The following SLC4A10 variants were observed in gnomAD, a reference collection of about 807,000 sequenced individuals.
SLC4A10 encodes solute carrier family 4 member 10, also known as sodium-driven chloride bicarbonate exchanger.
In SLC4A10, 42 loss-of-function variants were observed where a neutral mutation model predicts 137.7. The ratio of observed to expected loss-of-function variants is 0.30; its 90% CI spans 0.24 to 0.39. SLC4A10 has a LOEUF of 0.39. Among genes scored for constraint, SLC4A10 ranks in the 10% least tolerant of loss-of-function variants. The probability of loss-of-function intolerance (pLI) is 1.00; values close to 1 mark genes in which losing one functional copy is unlikely to be tolerated. For synonymous variants in SLC4A10, 474 were observed against 464.1 expected (o/e 1.02, Z -0.27); for missense variants, 925 against 1,355.0 (o/e 0.68, Z 4.98).
chr2:161,688,344 G>A lies in SLC4A10; in HGVS notation c.48+63778G>A, dbSNP rs145129972. ...TATAATGTTGTAATTTTATAACCTAGAATGAACAATATTCTCTGTTTTTGG... is the reference window on the plus strand; with the variant it reads ...TATAATGTTGTAATTTTATAACCTAAAATGAACAATATTCTCTGTTTTTGG... On this transcript the variant is annotated intron_variant, in intron 1 of 26. Coordinates refer to ENST00000446997, the MANE Select transcript of SLC4A10 (RefSeq NM_001178015.2). Among the ~76,000 whole-genome samples the A allele has an allele frequency of 4.5e-3, 685 of 152,160 alleles. 3 individuals carry two copies. Among genetic ancestry groups the A allele is most frequent in the African/African-American group, 0.014 (564 of 41,526 alleles).
intron 2 of SLC4A10, among the ~76,000 whole-genome samples, chr2:161,784,817 A>C (rs2053437476): frequency 6.6e-6 from 1 of 151,516 alleles, no homozygotes; most frequent in South Asian, 2.1e-4. Context: ...TCAAATTTGC[A>C]ACCTAATTAT....
intron 15 of SLC4A10, among the ~76,000 whole-genome samples, chr2:161,934,011 A>T (rs1314527084): frequency 6.6e-6 from 1 of 152,144 alleles, no homozygotes; most frequent in Admixed American, 6.6e-5. Context: ...CTTTAAAAAA[A>T]AATTAATTTT....
At chr2:161,848,937 G>T (rs1185814206) in intron 4 of SLC4A10, among the ~76,000 whole-genome samples, 1 of 151,768 alleles carries the variant, frequency 6.6e-6, no homozygotes, top group Non-Finnish European at 1.5e-5. Context: ...TTCTAATTTT[G>T]TAAAAATGTT....
chr2:161,702,683 T>A (rs1237886910), intron 1 of SLC4A10, among the ~76,000 whole-genome samples: 2 of 151,848 alleles, frequency 1.3e-5, no homozygotes, highest in Non-Finnish European at 3.0e-5. Context: ...TCTACAGATG[T>A]CACAGAGAAA....
chr2:161,810,165 T>A (rs937339680), intron 3 of SLC4A10, among the ~76,000 whole-genome samples: 13 of 152,022 alleles, frequency 8.6e-5, no homozygotes, highest in African/African-American at 3.1e-4. Context: ...CTTGGCTCTC[T>A]GATACAATGT....
chr2:161,808,976 T>C (rs1482229330), intron 3 of SLC4A10, among the ~76,000 whole-genome samples: 1 of 152,184 alleles, frequency 6.6e-6, no homozygotes, highest in Non-Finnish European at 1.5e-5. Context: ...TTAATTTCTT[T>C]GATAAATCTC....
In SLC4A10 at chr2:161,910,607, GT is replaced by G. The variant is rs2105395561; in HGVS notation, c.1997+4721del. ...TTGTAATCGATTGGGTCAAAGCAGT[GT>G]GTAGGGTCTGATTATCTCTCTAGTT... On this transcript the variant is annotated intron_variant, in intron 15 of 26. Transcript: ENST00000446997. Among the ~76,000 whole-genome samples, 2 of 152,256 alleles carry G rather than the reference GT, an allele frequency of 1.3e-5. 1 individual carries two copies. The highest frequency in any genetic ancestry group is 4.8e-5 in the African/African-American group (2 of 41,570).
At chr2:161,954,500 A>T (rs573984243) in intron 19 of SLC4A10, among the ~76,000 whole-genome samples, 2 of 152,340 alleles carry the variant, frequency 1.3e-5, no homozygotes, top group East Asian at 3.9e-4. Context: ...AATATGTTAG[A>T]AGGTGTAGAG....
intron 1 of SLC4A10, among the ~76,000 whole-genome samples, chr2:161,665,828 C>T (rs947767146): frequency 1.3e-5 from 2 of 150,736 alleles, no homozygotes; most frequent in Non-Finnish European, 3.0e-5. Flanking sequence ...GTCCAGAGGC[C>T]ATCTTTTCAG....
At chr2:161,911,200 G>A (rs1685762862) in intron 15 of SLC4A10, among the ~76,000 whole-genome samples, 1 of 151,908 alleles carries the variant, frequency 6.6e-6, no homozygotes, top group African/African-American at 2.4e-5. Flanking sequence ...AGAAAATAGT[G>A]CTTGTTTACA....
At chr2:161,908,379 T>C (rs1684956409) in intron 15 of SLC4A10, among the ~76,000 whole-genome samples, 2 of 130,100 alleles carry the variant, frequency 1.5e-5, no homozygotes, top group Admixed American at 9.7e-5. Flanking sequence ...AGGTGGGAAC[T>C]GAACAATGAG....
At position 161,894,726 on chromosome 2, in the gene SLC4A10, A is replaced by T; in HGVS notation, c.1242A>T (p.Val414=). 1 of 1,445,488 alleles carries T rather than the reference A, an allele frequency of 6.9e-7. No homozygotes were observed. The highest frequency in any genetic ancestry group is 9.2e-7 in the Non-Finnish European group (1 of 1,088,826). 89.5% of individuals were successfully genotyped at this position (1,445,488 alleles called of 1,614,324 possible). ...AAGCTAAAGATCGTAATGACTTGGT[A>T]TCAGGAATTGATGAGTTTCTGGATC... The part of the protein sequence containing the change: ...AYKAKDRNDL[V]SGIDEFLDQV... The change falls in exon 11 of 27, where the codon GTA becomes GTT. Residue 414 remains valine (V), a synonymous_variant. Coordinates refer to ENST00000446997, the MANE Select transcript of SLC4A10 (RefSeq NM_001178015.2).
At chr2:161,716,088 T>G (rs1013615511) in intron 1 of SLC4A10, among the ~76,000 whole-genome samples, 1 of 152,152 alleles carries the variant, frequency 6.6e-6, no homozygotes. Context: ...TAATCAGCAA[T>G]ATTAAGCTTT....
At chr2:161,658,512 A>G (rs756179025) in intron 1 of SLC4A10, among the ~76,000 whole-genome samples, 3 of 152,036 alleles carry the variant, frequency 2.0e-5, no homozygotes, top group Non-Finnish European at 4.4e-5. Flanking sequence ...TTTTGCTTAC[A>G]TTATATTTAT....
intron 1 of SLC4A10, among the ~76,000 whole-genome samples, chr2:161,694,640 T>C (rs1048227354): frequency 2.0e-5 from 3 of 152,050 alleles, no homozygotes; most frequent in Admixed American, 6.6e-5. Flanking sequence ...TTGAGGCTAA[T>C]GGACAGAATA....
At chr2:161,976,104 G>A (rs1174109667) in intron 24 of SLC4A10, among the ~76,000 whole-genome samples, 1 of 152,106 alleles carries the variant, frequency 6.6e-6, no homozygotes, top group Non-Finnish European at 1.5e-5. Flanking sequence ...GAATACCACA[G>A]GCCAACTCAG....
At chr2:161,815,553 C>T (rs568893548) in intron 3 of SLC4A10, among the ~76,000 whole-genome samples, 12 of 152,104 alleles carry the variant, frequency 7.9e-5, no homozygotes, top group East Asian at 3.9e-4. Flanking sequence ...AATACAGTAA[C>T]GTATATGAAT....
intron 1 of SLC4A10, among the ~76,000 whole-genome samples, chr2:161,748,295 A>AT (rs1400562724): frequency 6.6e-6 from 1 of 151,836 alleles, no homozygotes; most frequent in Non-Finnish European, 1.5e-5. Context: ...CTACCTGTTC[A>AT]TTTTTGCTTT....
intron 15 of SLC4A10, among the ~76,000 whole-genome samples, chr2:161,924,790 G>C (rs1688762393): frequency 6.6e-6 from 1 of 152,164 alleles, no homozygotes; most frequent in South Asian, 2.1e-4. Flanking sequence ...CAGGAATGGA[G>C]TAACACATGC....
Sources: allele counts gnomAD v4.1 joint callset (sites outside exome capture counted in the v4.1 genomes callset), GRCh38; gene constraint gnomAD v4.1.1; transcripts MANE v1.5; gene names NCBI Gene and HGNC (gene_info 2026-07-23, HGNC 2026-07-21).